Variants in COL19A1 observed in about 807,000 individuals in gnomAD.
The protein encoded by COL19A1 is collagen alpha-1(XIX) chain.
A neutral mutation model predicts 190.2 loss-of-function variants in COL19A1; 159 were observed. The observed-to-expected ratio is 0.84, with a 90% CI of 0.73 to 0.95. The LOEUF is 0.95. Among genes scored for constraint, COL19A1 ranks in the 40% least tolerant of loss-of-function variants. COL19A1 has a pLI of 0.00. For missense variants in COL19A1, 1,418 were observed against 1,431.9 expected (o/e 0.99, Z 0.16); for synonymous variants, 509 against 458.9 (o/e 1.11, Z -1.39).
intron 19 of COL19A1, among the ~76,000 whole-genome samples, chr6:70,138,944 T>C (rs1786056672): frequency 6.6e-6 from 1 of 152,202 alleles, no homozygotes; most frequent in South Asian, 2.1e-4. Flanking sequence ...GCTCCACACT[T>C]GGAGGTTCCT....
chr6:70,034,633 T>TGA (rs1288961921), intron 13 of COL19A1, among the ~76,000 whole-genome samples: 3 of 152,208 alleles, frequency 2.0e-5, no homozygotes, highest in Non-Finnish European at 2.9e-5. Context: ...GCCATAATGG[T>TGA]GAGGCAAGTG....
chr6:70,023,401 G>T (rs1199654060), intron 11 of COL19A1, among the ~76,000 whole-genome samples: 1 of 152,086 alleles, frequency 6.6e-6, no homozygotes, highest in Non-Finnish European at 1.5e-5. Flanking sequence ...CTCCCAAAGT[G>T]CTAGGATTAC....
In COL19A1 at chr6:70,162,056, T is replaced by C. The variant is rs982720146; in HGVS notation, c.2346+103T>C. ...GCCTTTTGTTCTCTGTGCCTCTATG[T>C]AGATTGTCCAGATATTGCCTGGAAA... On this transcript the variant is annotated intron_variant, in intron 35 of 50. Transcript: ENST00000620364. The C allele has an allele frequency of 2.9e-6, 3 of 1,042,500 alleles. No individual in the cohort carries two copies. In the African/African-American group the frequency reaches 4.9e-5, roughly 17 times the overall value. The allele number at this position is 1,042,500 out of a possible 1,614,324, so 64.6% of individuals were successfully genotyped here.
chr6:69,904,977 A>G (rs545019822), intron 4 of COL19A1, among the ~76,000 whole-genome samples: 1 of 152,002 alleles, frequency 6.6e-6, no homozygotes, highest in East Asian at 1.9e-4. Flanking sequence ...GCGTGCTTCC[A>G]GCTGCCTCGG....
intron 1 of COL19A1, among the ~76,000 whole-genome samples, chr6:69,878,278 A>G (rs1052820888): frequency 4.6e-5 from 7 of 151,710 alleles, no homozygotes; most frequent in African/African-American, 7.3e-5. Flanking sequence ...CAGTGGCACA[A>G]TCTCAGCTCA....
At chr6:70,172,109 G>A (rs560487867) in intron 41 of COL19A1, 92 bp downstream of exon 41, 1 of 1,125,716 alleles carries the variant, frequency 8.9e-7, no homozygotes. Context: ...TTAGGTTAGG[G>A]ATATATAAAG....
intron 44 of COL19A1, among the ~76,000 whole-genome samples, chr6:70,181,475 C>T (rs1388471227): frequency 2.0e-5 from 3 of 152,146 alleles, no homozygotes; most frequent in Non-Finnish European, 4.4e-5. Context: ...CTCTTACCTC[C>T]TCATTCCCAT....
intron 12 of COL19A1, among the ~76,000 whole-genome samples, chr6:70,028,808 A>G (rs1778865449): frequency 6.6e-6 from 1 of 152,152 alleles, no homozygotes; most frequent in Non-Finnish European, 1.5e-5. Flanking sequence ...TAAAGGGACT[A>G]TCATACAGAA....
intron 16 of COL19A1, among the ~76,000 whole-genome samples, chr6:70,112,846 C>T (rs768502547): frequency 5.7e-4 from 87 of 152,272 alleles, no homozygotes; most frequent in Non-Finnish European, 1.1e-3. Flanking sequence ...CAACCATAAA[C>T]GGCCTATGCT....
At position 70,156,710 on chromosome 6, in the gene COL19A1, A is replaced by G. The variant is rs1787463184; in HGVS notation, c.2279A>G (p.Glu760Gly). Residue 760 changes from glutamate (E) to glycine (G), a missense_variant, in exon 34 of 51, where the codon GAG becomes GGG. By Grantham distance (98) the Glu-to-Gly change is moderately conservative. Coordinates refer to ENST00000620364, the MANE Select transcript of COL19A1 (RefSeq NM_001858.6). ...GERGYPGIPG[E>G]KGDEGLQGIP... is the part of the protein sequence containing the mutation. ...CGGGGCTACCCTGGGATACCTGGGGAGAAAGGCGATGAGGTAACAGATTCT... is the reference window on the plus strand; with the variant it reads ...CGGGGCTACCCTGGGATACCTGGGGGGAAAGGCGATGAGGTAACAGATTCT... The G allele has an allele frequency of 1.2e-6, 2 of 1,611,082 alleles. No homozygotes were observed. The highest frequency in any genetic ancestry group is 2.7e-5 in the African/African-American group (2 of 74,794).
chr6:69,883,954 A>G lies in COL19A1; in HGVS notation c.91+4296A>G, dbSNP rs555021621. On this transcript the variant is annotated intron_variant, in intron 2 of 50. Transcript: ENST00000620364. ...ATTCAACATACTTTCAGGGAATAAT[A>G]ATAAAAAAAAAGTGTAAAAGAGGGA... Among the ~76,000 whole-genome samples, 125 of 117,172 alleles carry G rather than the reference A, an allele frequency of 1.1e-3. 1 individual carries two copies. The highest frequency in any genetic ancestry group is 2.8e-3 in the Admixed American group (33 of 11,968). The allele number at this position is 117,172 out of a possible 152,430, so 76.9% of individuals were successfully genotyped here. A position where few individuals can be genotyped will look rare whatever the true frequency, so the allele number is the denominator to read the frequency against.
At chr6:70,021,506 C>A (rs1230165642) in intron 11 of COL19A1, among the ~76,000 whole-genome samples, 1 of 152,142 alleles carries the variant, frequency 6.6e-6, no homozygotes, top group East Asian at 1.9e-4. Context: ...TCAAAAATTT[C>A]TATTCACTCT....
At chr6:70,005,658 A>G (rs1358295439) in intron 11 of COL19A1, among the ~76,000 whole-genome samples, 1 of 152,128 alleles carries the variant, frequency 6.6e-6, no homozygotes, top group Non-Finnish European at 1.5e-5. Context: ...AACAGGACCT[A>G]TTTAATGAAG....
At chr6:70,055,781 T>TAAA (rs55871207) in intron 14 of COL19A1, among the ~76,000 whole-genome samples, 17 of 117,448 alleles carry the variant, frequency 1.4e-4, no homozygotes, top group African/African-American at 2.4e-4. Flanking sequence ...AACTCTGTAT[T>TAAA]AAAAAAAAAA....
intron 18 of COL19A1, among the ~76,000 whole-genome samples, chr6:70,136,396 C>G (rs539548682): frequency 2.0e-5 from 3 of 152,076 alleles, no homozygotes; most frequent in Non-Finnish European, 2.9e-5. Flanking sequence ...AAGTGCCCAT[C>G]GGTGGGGCTG....
At chr6:70,171,714 A>T (rs1262560026) in intron 40 of COL19A1, among the ~76,000 whole-genome samples, 3 of 152,224 alleles carry the variant, frequency 2.0e-5, no homozygotes, top group Non-Finnish European at 4.4e-5. Context: ...TTCTGATTAG[A>T]TTCTCAATCA....
chr6:70,061,831 G>T (rs1257615433), intron 14 of COL19A1, among the ~76,000 whole-genome samples: 1 of 151,990 alleles, frequency 6.6e-6, no homozygotes, highest in African/African-American at 2.4e-5. Context: ...AGCCAAGATC[G>T]TGTCAGGCTT....
intron 18 of COL19A1, among the ~76,000 whole-genome samples, chr6:70,133,854 G>C (rs967751952): frequency 3.3e-5 from 5 of 152,194 alleles, no homozygotes; most frequent in East Asian, 1.9e-4. Flanking sequence ...TATGAGGAAA[G>C]AGGTCTCTAA....
chr6:70,020,217 A>G (rs1215873664), intron 11 of COL19A1, among the ~76,000 whole-genome samples: 1 of 152,088 alleles, frequency 6.6e-6, no homozygotes, highest in African/African-American at 2.4e-5. Flanking sequence ...GCAACACAAA[A>G]TATCTTTGCA....
Sources: gnomAD v4.1 joint callset for allele counts (sites outside exome capture counted in the v4.1 genomes callset) on GRCh38, gnomAD v4.1.1 for gene constraint, MANE v1.5 for transcripts, NCBI Gene and HGNC (gene_info 2026-07-23, HGNC 2026-07-21) for gene names.